The following UBE2O variants were observed in gnomAD, a reference collection of about 807,000 sequenced individuals.
UBE2O encodes the protein (E3-independent) E2 ubiquitin-conjugating enzyme.
In UBE2O, 15 loss-of-function variants were observed where a neutral mutation model predicts 125.8. That is an observed-to-expected ratio of 0.12 (90% CI 0.08 to 0.18). The LOEUF is 0.18. Ranked by LOEUF, UBE2O falls within the 10% of genes least tolerant of loss-of-function variation. The pLI, the probability that UBE2O is intolerant of heterozygous loss-of-function variation, is 1.00. For missense variants in UBE2O, 1,280 were observed against 1,723.6 expected (o/e 0.74, Z 4.56); for synonymous variants, 708 against 703.2 (o/e 1.01, Z -0.11).
intron 1 of UBE2O, among the ~76,000 whole-genome samples, chr17:76,411,501 G>T (rs982491941): frequency 6.6e-6 from 1 of 152,192 alleles, no homozygotes; most frequent in African/African-American, 2.4e-5. Context: ...TCCAAAAGCA[G>T]GGGCCTGCAT....
intron 1 of UBE2O, among the ~76,000 whole-genome samples, chr17:76,409,515 G>C (rs990699926): frequency 2.0e-5 from 3 of 152,074 alleles, no homozygotes; most frequent in Non-Finnish European, 4.4e-5. Context: ...TCCTGCCTCA[G>C]CCTCCTGAGT....
At chr17:76,423,068 A>G (rs899428034) in intron 1 of UBE2O, among the ~76,000 whole-genome samples, 11 of 152,354 alleles carry the variant, frequency 7.2e-5, no homozygotes, top group South Asian at 2.1e-4. Flanking sequence ...AGAATCCCCA[A>G]TGGCGGGGCC....
rs769165014 is a variant in UBE2O at position 76,396,082 on chromosome 17, C to T, written c.2809+46G>A. ...CAGATCTGGTGACACAAACAGGAGC[C>T]CCGAGAAGGCGGGGGAAGGCGAAGA... On this transcript the variant is annotated intron_variant, in intron 14 of 17. Transcript: ENST00000319380. This position sits in a 1 kb window ranked among gnomAD's most constrained non-coding sequence, Gnocchi z 6.7. 3.1e-6 allele frequency: 5 copies of T among 1,592,960 alleles called. No individual in the cohort carries two copies. In the African/African-American group the frequency reaches 4.0e-5, roughly 13 times the overall value.
intron 1 of UBE2O, among the ~76,000 whole-genome samples, chr17:76,434,969 T>C (rs950044373): frequency 2.6e-5 from 4 of 151,746 alleles, no homozygotes; most frequent in Non-Finnish European, 5.9e-5. Flanking sequence ...TCCTACACTA[T>C]CCCCAAAATG....
chr17:76,393,787 C>G (rs1015103117), intron 15 of UBE2O, among the ~76,000 whole-genome samples: 1 of 152,098 alleles, frequency 6.6e-6, no homozygotes, highest in Admixed American at 6.5e-5. Flanking sequence ...TGTGCACACA[C>G]GCGTGTGTGT....
Position 76,399,902 on chromosome 17 carries a change from T to A in UBE2O, c.1175A>T (p.Lys392Met). The change falls in exon 9 of 18, where the codon AAG becomes ATG. Residue 392 changes from lysine to methionine, a missense_variant. This residue lies in a region of UBE2O where 141 missense variants were observed against 141.3 expected (regional missense o/e 1.00). Coordinates refer to ENST00000319380, the MANE Select transcript of UBE2O (RefSeq NM_022066.4). This position sits in a 1 kb window ranked among gnomAD's most constrained non-coding sequence, Gnocchi z 6.9. ...MAKKVKRLLK[K>M]QVVRIMSCSP... ...GCATGACATGATCCGCACAACCTGC[T>A]TCTTCAACAGGCGCTTCACCTGCAA... is the stretch of plus-strand genomic sequence containing the variant. 6.2e-7 allele frequency: 1 copy of A among 1,607,342 alleles called. No individual in the cohort carries two copies. Among genetic ancestry groups the A allele is most frequent in the Non-Finnish European group, 8.5e-7 (1 of 1,176,628 alleles).
At chr17:76,444,711 C>T (rs75776105) in intron 1 of UBE2O, among the ~76,000 whole-genome samples, 1 of 152,310 alleles carries the variant, frequency 6.6e-6, no homozygotes, top group East Asian at 1.9e-4. Flanking sequence ...CCATTTCCCC[C>T]AGTACAGTGC....
Position 76,400,022 on chromosome 17 carries a change from G to A in UBE2O, c.1156-101C>T. On this transcript the variant is annotated intron_variant, in intron 8 of 17. Transcript: ENST00000319380. This position sits in a 1 kb window ranked among gnomAD's most constrained non-coding sequence, Gnocchi z 4.3. ...GGGGATGACAGCTGTATACACCTGA[G>A]TAGCCGGCAAGGGTCATCAGGGCTG... 3.3e-6 allele frequency: 5 copies of A among 1,525,142 alleles called. No individual in the cohort carries two copies. Among genetic ancestry groups the A allele is most frequent in the Non-Finnish European group, 4.4e-6 (5 of 1,129,064 alleles). The allele number at this position is 1,525,142 out of a possible 1,614,324, so 94.5% of individuals were successfully genotyped here. A position where few individuals can be genotyped will look rare whatever the true frequency, so the allele number is the denominator to read the frequency against.
intron 1 of UBE2O, among the ~76,000 whole-genome samples, chr17:76,415,794 A>AGTGTGTGTGTGT (rs1567842721): frequency 5.8e-5 from 8 of 138,738 alleles, no homozygotes; most frequent in African/African-American, 2.3e-4. Flanking sequence ...ACAGAGCAAG[A>AGTGTGTGTGTGT]CTGTGTGTGT....
intron 1 of UBE2O, among the ~76,000 whole-genome samples, chr17:76,444,380 T>C (rs1400280027): frequency 6.6e-6 from 1 of 152,104 alleles, no homozygotes; most frequent in Non-Finnish European, 1.5e-5. Context: ...GGTGAGACCC[T>C]GTTTCTACAA....
At chr17:76,408,118 C>A (rs971555977) in intron 1 of UBE2O, among the ~76,000 whole-genome samples, 2 of 152,190 alleles carry the variant, frequency 1.3e-5, no homozygotes, top group Non-Finnish European at 2.9e-5. Context: ...TAAGCCCATA[C>A]CCTCCCATCT....
Position 76,398,893 on chromosome 17 carries a change from A to G in UBE2O, c.1727T>C (p.Val576Ala), listed in dbSNP as rs1384559620. The G allele has an allele frequency of 3.7e-6, 6 of 1,614,192 alleles. No individual in the cohort carries two copies. Among genetic ancestry groups the G allele is most frequent in the Non-Finnish European group, 5.1e-6 (6 of 1,180,024 alleles). The change falls in exon 10 of 18, where the codon GTG becomes GCG. Residue 576 changes from valine to alanine, a missense_variant. Transcript: ENST00000319380. This position sits in a 1 kb window ranked among gnomAD's most constrained non-coding sequence, Gnocchi z 5.4. ...GAACTCGTTGTTGTCCAGGTGGTGC[A>G]CAGGGAAGAGGTCGTTGGAGCGGAT... ...CNIRSNDLFP[V>A]HHLDNNEFCP...
rs1250479666 is a variant in UBE2O at position 76,396,692 on chromosome 17, C to T, written c.2245G>A (p.Glu749Lys). 1 of 1,613,930 alleles carries T rather than the reference C, an allele frequency of 6.2e-7. No individual in the cohort carries two copies. The highest frequency in any genetic ancestry group is 8.5e-7 in the Non-Finnish European group (1 of 1,180,004). Reference protein sequence around the residue: ...DSWETDNGLVEDEHPKIEEPP... With the variant: ...DSWETDNGLVKDEHPKIEEPP... ...TCCTCTATCTTGGGGTGCTCGTCCT[C>T]CACCAGCCCATTGTCCGTCTCCCAG... The change falls in exon 14 of 18, where the codon GAG (glutamate) becomes AAG (lysine). Residue 749 changes from glutamate (E) to lysine (K), a missense_variant. This residue lies in a region of UBE2O where 210 missense variants were observed against 268.9 expected (regional missense o/e 0.78). Coordinates refer to ENST00000319380, the MANE Select transcript of UBE2O (RefSeq NM_022066.4). The surrounding 1 kb of genome is among the most constrained non-coding windows in gnomAD (Gnocchi z 6.7).
At chr17:76,412,103 C>T (rs1211273653) in intron 1 of UBE2O, among the ~76,000 whole-genome samples, 3 of 152,168 alleles carry the variant, frequency 2.0e-5, no homozygotes, top group African/African-American at 4.8e-5. Context: ...AGCGGACGAC[C>T]AGCCCCACAC....
chr17:76,409,891 T>C (rs1190289487), intron 1 of UBE2O, among the ~76,000 whole-genome samples: 1 of 152,050 alleles, frequency 6.6e-6, no homozygotes, highest in Non-Finnish European at 1.5e-5. Flanking sequence ...GAGAAGGTGG[T>C]ACCAAGTGCC....
intron 12 of UBE2O, 41 bp from the exon 13 acceptor site, chr17:76,397,929 G>A: frequency 6.2e-7 from 1 of 1,601,762 alleles, no homozygotes; most frequent in Non-Finnish European, 8.5e-7. Context: ...CCCAGCTCAA[G>A]CTCCAGCTCC....
At position 76,399,432 on chromosome 17, in the gene UBE2O, C is replaced by T. The variant is rs1433200734; in HGVS notation, c.1628+17G>A. 1 of 1,609,450 alleles carries T rather than the reference C, an allele frequency of 6.2e-7. No homozygotes were observed. Among genetic ancestry groups the T allele is most frequent in the Non-Finnish European group, 8.5e-7 (1 of 1,176,640 alleles). On this transcript the variant is annotated intron_variant, in intron 9 of 17. Coordinates refer to ENST00000319380, the MANE Select transcript of UBE2O (RefSeq NM_022066.4). The surrounding 1 kb of genome is among the most constrained non-coding windows in gnomAD (Gnocchi z 6.9). ...TCACGCTGACGCCATTGGGGAGGGGCACAACTCTGAGTTTACCTGTCCCCT... is the reference window on the plus strand; with the variant it reads ...TCACGCTGACGCCATTGGGGAGGGGTACAACTCTGAGTTTACCTGTCCCCT...
chr17:76,398,775 G>A lies in UBE2O; in HGVS notation c.1783+62C>T. On this transcript the variant is annotated intron_variant, in intron 10 of 17. Transcript: ENST00000319380. The surrounding 1 kb of genome is among the most constrained non-coding windows in gnomAD (Gnocchi z 5.4). Reference sequence around the variant, plus strand: ...CAGATCCACTGCCCATTCTCCACAAGCCCCAACCCGGGCCCTCATTGGCGA... The same window carrying A: ...CAGATCCACTGCCCATTCTCCACAAACCCCAACCCGGGCCCTCATTGGCGA... 6.3e-7 allele frequency: 1 copy of A among 1,583,392 alleles called. No homozygotes were observed. Among genetic ancestry groups the A allele is most frequent in the Non-Finnish European group, 8.6e-7 (1 of 1,163,498 alleles).
chr17:76,439,864 C>G (rs2073052011), intron 1 of UBE2O, among the ~76,000 whole-genome samples: 1 of 152,210 alleles, frequency 6.6e-6, no homozygotes, highest in Admixed American at 6.5e-5. Flanking sequence ...TTCAGCATCT[C>G]AACTGTGTCC....
Sources: allele counts gnomAD v4.1 joint callset (sites outside exome capture counted in the v4.1 genomes callset), GRCh38; gene constraint gnomAD v4.1.1; regional missense constraint gnomAD v4.1.1; non-coding constraint Gnocchi (gnomAD v3.1); transcripts MANE v1.5; gene names NCBI Gene and HGNC (gene_info 2026-07-23, HGNC 2026-07-21).